The following RBM19 variants were observed in gnomAD, a reference collection of about 807,000 sequenced individuals.
The protein encoded by RBM19 is probable RNA-binding protein 19.
Under a neutral mutation model 116.8 loss-of-function variants are expected in RBM19, and 94 were observed. The ratio of observed to expected loss-of-function variants is 0.80; its 90% CI spans 0.68 to 0.95. The LOEUF (loss-of-function observed/expected upper bound fraction) is 0.95, where lower values mean the gene tolerates loss of function less well. Among genes scored for constraint, RBM19 ranks in the 40% least tolerant of loss-of-function variants. The pLI, the probability that RBM19 is intolerant of heterozygous loss-of-function variation, is 0.00. For missense variants in RBM19, 1,161 were observed against 1,220.7 expected, an observed-to-expected ratio of 0.95 and a Z score of 0.73; for synonymous variants, 475 against 494.1, an observed-to-expected ratio of 0.96 and a Z score of 0.51.
intron 21 of RBM19, among the ~76,000 whole-genome samples, chr12:113,891,421 G>T (rs974083876): frequency 6.6e-6 from 1 of 152,206 alleles, no homozygotes; most frequent in Admixed American, 6.5e-5. Context: ...CCAGCAGGGA[G>T]GGGGCTGACA....
At position 113,854,925 on chromosome 12, in the gene RBM19, C is replaced by A. The variant is rs549835338; in HGVS notation, c.2664+3866G>T. ...AGTGTGGTGAATGTCACATACAAAG[C>A]CAGCGCGCTCGCGGGAGCCTCTTGC... On this transcript the variant is annotated intron_variant, in intron 22 of 23. Coordinates refer to ENST00000261741, the MANE Select transcript of RBM19 (RefSeq NM_016196.4). 5.3e-5 allele frequency among the ~76,000 whole-genome samples: 8 copies of A among 152,342 alleles called. No individual in the cohort carries two copies. In the South Asian group the frequency reaches 1.4e-3, roughly 28 times the overall value.
chr12:113,901,610 G>A (rs1380758991), intron 21 of RBM19, among the ~76,000 whole-genome samples: 1 of 152,174 alleles, frequency 6.6e-6, no homozygotes, highest in African/African-American at 2.4e-5. Flanking sequence ...CTGGGTTCAA[G>A]TGATTCTCCC....
rs1870432490 is a variant in RBM19, at chr12:113,940,124, T to C, written c.1774A>G (p.Lys592Glu). ...GCCAGGGTGCCTGCCGGGAGGTTCT[T>C]GACCAGAATCACAGTCTTGCTTCGC... ...AERSKTVILV[K>E]NLPAGTLAAQ... is the part of the protein sequence containing the mutation. Residue 592 changes from lysine (K) to glutamate (E), a missense_variant, in exon 15 of 24, where the codon AAG becomes GAG. Physicochemically the swap from Lys to Glu is moderately conservative, Grantham distance 56. Coordinates refer to ENST00000261741, the MANE Select transcript of RBM19 (RefSeq NM_016196.4). 6.2e-7 allele frequency: 1 copy of C among 1,614,136 alleles called. No individual in the cohort carries two copies. The highest frequency in any genetic ancestry group is 8.5e-7 in the Non-Finnish European group (1 of 1,180,008).
intron 9 of RBM19, among the ~76,000 whole-genome samples, chr12:113,949,599 G>A (rs761158356): frequency 2.0e-5 from 3 of 152,104 alleles, no homozygotes; most frequent in Non-Finnish European, 4.4e-5. Context: ...CTTGGCCAGG[G>A]ATTGGTCAAA....
At chr12:113,864,282 C>G (rs1400868948) in intron 21 of RBM19, among the ~76,000 whole-genome samples, 3 of 152,166 alleles carry the variant, frequency 2.0e-5, no homozygotes, top group Non-Finnish European at 1.5e-5. Flanking sequence ...CAAGTATTAA[C>G]CTTGCCCTCA....
intron 21 of RBM19, among the ~76,000 whole-genome samples, chr12:113,896,156 C>T (rs1881308950): frequency 6.6e-6 from 1 of 152,090 alleles, no homozygotes; most frequent in African/African-American, 2.4e-5. Flanking sequence ...CTAAAGGGCA[C>T]CCCAATCCAT....
intron 21 of RBM19, among the ~76,000 whole-genome samples, chr12:113,897,547 C>T (rs951758572): frequency 7.2e-5 from 11 of 152,182 alleles, no homozygotes; most frequent in African/African-American, 9.7e-5. Context: ...TGTGGTGGCT[C>T]GCACCTACAA....
intron 18 of RBM19, among the ~76,000 whole-genome samples, chr12:113,922,043 G>C (rs543265213): frequency 3.3e-5 from 5 of 152,220 alleles, no homozygotes; most frequent in African/African-American, 7.2e-5. Context: ...GTCCCCACCC[G>C]CCTCCTTGCT....
At chr12:113,896,367 C>T (rs989028428) in intron 21 of RBM19, among the ~76,000 whole-genome samples, 2 of 152,288 alleles carry the variant, frequency 1.3e-5, no homozygotes, top group Middle Eastern at 3.4e-3. Context: ...CAGGGAATTT[C>T]TGGGCTCGGG....
At chr12:113,877,749 G>A (rs1879776164) in intron 21 of RBM19, among the ~76,000 whole-genome samples, 1 of 152,224 alleles carries the variant, frequency 6.6e-6, no homozygotes, top group Non-Finnish European at 1.5e-5. Context: ...CTGGTCTTCA[G>A]AATCCAAGTT....
At position 113,916,105 on chromosome 12, in the gene RBM19, C is replaced by T. The variant is rs60100014; in HGVS notation, c.2442-1020G>A. On this transcript the variant is annotated intron_variant, in intron 20 of 23. Coordinates refer to ENST00000261741, the MANE Select transcript of RBM19 (RefSeq NM_016196.4). ...ACCAGCCACATGTGGCTAGTTGAAT[C>T]TAAATTAAAATGAAGCAAAACTAGG... 5.2e-3 allele frequency among the ~76,000 whole-genome samples: 797 copies of T among 152,286 alleles called. 8 individuals are homozygous for T. Among genetic ancestry groups the T allele is most frequent in the African/African-American group, 0.017 (720 of 41,552 alleles).
downstream of RBM19, among the ~76,000 whole-genome samples, chr12:113,821,073 A>T (rs147855128): frequency 8.5e-5 from 13 of 152,312 alleles, no homozygotes; most frequent in East Asian, 2.5e-3. Context: ...TTTAAAGATG[A>T]GGAGACTGAG....
chr12:113,928,574 C>T (rs1176695432), intron 16 of RBM19, among the ~76,000 whole-genome samples: 5 of 146,840 alleles, frequency 3.4e-5, no homozygotes, highest in Non-Finnish European at 3.0e-5. Flanking sequence ...TCTGAAGGAA[C>T]AGCATTTTAG....
intron 13 of RBM19, among the ~76,000 whole-genome samples, chr12:113,943,294 G>T (rs750353104): frequency 6.6e-6 from 1 of 152,078 alleles, no homozygotes; most frequent in South Asian, 2.1e-4. Context: ...GCTGCATTCC[G>T]AGAACTCAGA....
At chr12:113,895,995 T>C (rs765752268) in intron 21 of RBM19, among the ~76,000 whole-genome samples, 24 of 152,008 alleles carry the variant, frequency 1.6e-4, no homozygotes, top group Non-Finnish European at 1.3e-4. Context: ...TAGATATATA[T>C]GTAGAGAGGA....
intron 6 of RBM19, among the ~76,000 whole-genome samples, chr12:113,956,031 T>TA (rs1485960304): frequency 6.6e-6 from 1 of 152,078 alleles, no homozygotes; most frequent in African/African-American, 2.4e-5. Context: ...TGCCTTTTTG[T>TA]AAACGAAAAT....
rs146550371 is a variant in RBM19 at position 113,960,165 on chromosome 12, T to C, written c.233A>G (p.Lys78Arg). ...DTSRITVEFC[K>R]SFGDPAKPRA... is the part of the protein sequence containing the mutation. The stretch of plus-strand genomic sequence containing the variant: ...GGGTTTGGCCGGGTCCCCGAATGAC[T>C]TGCAGAACTCCACCTGTGTGGGAAA... The change falls in exon 3 of 24, where the codon AAG becomes AGG. Residue 78 changes from lysine (K) to arginine (R), a missense_variant. Lys to Arg is a conservative substitution (Grantham distance 26, BLOSUM62 2). Transcript: ENST00000261741. 2.7e-5 allele frequency: 43 copies of C among 1,613,742 alleles called. No homozygotes were observed. The African/African-American group carries it at 4.8e-4, about 18-fold the overall frequency.
At chr12:113,870,978 C>T (rs553849689) in intron 21 of RBM19, among the ~76,000 whole-genome samples, 2 of 152,184 alleles carry the variant, frequency 1.3e-5, no homozygotes, top group Non-Finnish European at 2.9e-5. Flanking sequence ...CAGCAGGAGG[C>T]CCCTGCATAT....
chr12:113,928,625 A>ATGTATGTGTGTG (rs71443066), intron 16 of RBM19, among the ~76,000 whole-genome samples: 263 of 120,428 alleles, frequency 2.2e-3, no homozygotes, highest in African/African-American at 7.7e-3. Flanking sequence ...TTAGCAAGGG[A>ATGTATGTGTGTG]TGTGTGTGTG....
Sources: gnomAD v4.1 joint callset for allele counts (sites outside exome capture counted in the v4.1 genomes callset) on GRCh38, gnomAD v4.1.1 for gene constraint, MANE v1.5 for transcripts, NCBI Gene and HGNC (gene_info 2026-07-23, HGNC 2026-07-21) for gene names.